EYS: variants seen among roughly 807,000 people sequenced by gnomAD.
The protein encoded by EYS is EGF-like photoreceptor maintenance factor.
In EYS, 250 loss-of-function variants were observed where a neutral mutation model predicts 282.1. The ratio of observed to expected loss-of-function variants is 0.89; its 90% CI spans 0.80 to 0.98. The LOEUF is 0.98. EYS is among the 50% of genes least tolerant of loss of function. EYS has a pLI of 0.00. For missense variants in EYS, 4,016 were observed against 3,709.0 expected (o/e 1.08, Z -2.15); for synonymous variants, 1,355 against 1,282.9 (o/e 1.06, Z -1.20).
At chr6:64,984,950 T>A (rs975256896) in intron 14 of EYS, among the ~76,000 whole-genome samples, 7 of 151,504 alleles carry the variant, frequency 4.6e-5, no homozygotes, top group Non-Finnish European at 1.0e-4. Context: ...TTTTTAACAT[T>A]CAGACAATCT....
chr6:64,469,745 C>T (rs1772076229), intron 26 of EYS, among the ~76,000 whole-genome samples: 1 of 152,042 alleles, frequency 6.6e-6, no homozygotes, highest in Admixed American at 6.5e-5. Context: ...GACTCTACTC[C>T]TACACCTCTT....
At chr6:64,124,104 G>A (rs1773682630) in intron 31 of EYS, among the ~76,000 whole-genome samples, 1 of 152,200 alleles carries the variant, frequency 6.6e-6, no homozygotes, top group African/African-American at 2.4e-5. Context: ...AGGGAAAAGT[G>A]TACTGCTGTA....
chr6:64,508,953 T>G (rs1777300170), intron 26 of EYS, among the ~76,000 whole-genome samples: 1 of 151,994 alleles, frequency 6.6e-6, no homozygotes, highest in Non-Finnish European at 1.5e-5. Flanking sequence ...TGGGTTATTC[T>G]TTAGGCAGGT....
At chr6:64,212,731 A>G (rs1305290313) in intron 31 of EYS, among the ~76,000 whole-genome samples, 1 of 152,192 alleles carries the variant, frequency 6.6e-6, no homozygotes, top group Non-Finnish European at 1.5e-5. Context: ...AGACAGAAAT[A>G]CCATTCAACC....
At chr6:65,672,088 T>A (rs1373969895) in intron 1 of EYS, among the ~76,000 whole-genome samples, 2 of 151,950 alleles carry the variant, frequency 1.3e-5, no homozygotes, top group Non-Finnish European at 2.9e-5. Context: ...AAAACAAACA[T>A]AAGAGCTCCA....
intron 30 of EYS, among the ~76,000 whole-genome samples, chr6:64,231,821 T>C (rs963171128): frequency 1.3e-5 from 2 of 152,186 alleles, no homozygotes; most frequent in Admixed American, 6.5e-5. Context: ...GAGTTTCATA[T>C]ACTGTCTGGG....
chr6:64,703,465 T>C lies in EYS; in HGVS notation c.3444-77220A>G, dbSNP rs180764591. ...TTTTTTTTGAGATGGAGCCTTGCTC[T>C]GTCACCCAGGCTGGAGTAGTGCAGT... On this transcript the variant is annotated intron_variant, in intron 22 of 42. Transcript: ENST00000503581. Among the ~76,000 whole-genome samples, 725 of 119,206 alleles carry C rather than the reference T, an allele frequency of 6.1e-3. 8 individuals are homozygous for C. Among genetic ancestry groups the C allele is most frequent in the African/African-American group, 0.021 (698 of 32,636 alleles). The allele number at this position is 119,206 out of a possible 152,430, so 78.2% of individuals were successfully genotyped here.
At chr6:65,257,498 GT>G (rs1767501306) in intron 12 of EYS, among the ~76,000 whole-genome samples, 1 of 145,298 alleles carries the variant, frequency 6.9e-6, no homozygotes, top group South Asian at 2.2e-4. Flanking sequence ...TGGCTAGCCA[GT>G]TTTCCCAGCA....
At chr6:64,403,578 C>T (rs1162140382) in intron 28 of EYS, among the ~76,000 whole-genome samples, 1 of 152,066 alleles carries the variant, frequency 6.6e-6, no homozygotes, top group Non-Finnish European at 1.5e-5. Flanking sequence ...AGGCTGGTCT[C>T]GGACTCCTGA....
intron 1 of EYS, among the ~76,000 whole-genome samples, chr6:65,654,625 T>C (rs1234059156): frequency 6.6e-6 from 1 of 151,700 alleles, no homozygotes; most frequent in East Asian, 1.9e-4. Flanking sequence ...TGTCAAAAGG[T>C]TACAGAGACA....
intron 31 of EYS, among the ~76,000 whole-genome samples, chr6:64,118,557 A>G (rs1295344719): frequency 1.3e-5 from 2 of 152,148 alleles, no homozygotes; most frequent in African/African-American, 4.8e-5. Context: ...TGAAATAATT[A>G]TATGTCAGAC....
intron 35 of EYS, among the ~76,000 whole-genome samples, chr6:63,908,032 ACGTTTG>A (rs1773824885): frequency 6.3e-5 from 3 of 47,454 alleles, no homozygotes; most frequent in African/African-American, 2.5e-4. Flanking sequence ...ATATATATAT[ACGTTTG>A]TGTGTGTGTG....
intron 22 of EYS, among the ~76,000 whole-genome samples, chr6:64,676,291 ATATC>A (rs1379533983): frequency 1.4e-5 from 2 of 146,584 alleles, no homozygotes; most frequent in East Asian, 4.1e-4. Flanking sequence ...AGTTTCCAAT[ATATC>A]TATATCTATA....
Position 65,405,165 on chromosome 6 carries a change from G to T in EYS, c.1056+9C>A. 1 of 1,600,530 alleles carries T rather than the reference G, an allele frequency of 6.2e-7. No homozygotes were observed. The highest frequency in any genetic ancestry group is 8.6e-7 in the Non-Finnish European group (1 of 1,168,216). On this transcript the variant is annotated intron_variant, in intron 6 of 42. Transcript: ENST00000503581. ...AAACCACTCACTTATATGTTAGATT[G>T]AGACTTACATTTGATATTTTGATGC... is the stretch of plus-strand genomic sequence containing the variant.
intron 13 of EYS, among the ~76,000 whole-genome samples, chr6:65,011,435 A>G (rs1489832529): frequency 6.6e-6 from 1 of 152,156 alleles, no homozygotes; most frequent in Admixed American, 6.6e-5. Flanking sequence ...ATGGAGCCCC[A>G]AATGCAGTCC....
chr6:63,798,315 C>T (rs893548296), intron 37 of EYS, among the ~76,000 whole-genome samples: 5 of 152,076 alleles, frequency 3.3e-5, no homozygotes, highest in Admixed American at 3.3e-4. Flanking sequence ...TTAAAAGACT[C>T]AAATAATTTA....
At chr6:63,885,325 T>C (rs1015798490) in intron 35 of EYS, among the ~76,000 whole-genome samples, 2 of 152,172 alleles carry the variant, frequency 1.3e-5, no homozygotes, top group African/African-American at 4.8e-5. Context: ...CCATAGCTGC[T>C]CCATGAAAAT....
chr6:64,849,272 A>G (rs1765810030), intron 19 of EYS, among the ~76,000 whole-genome samples: 1 of 151,700 alleles, frequency 6.6e-6, no homozygotes, highest in South Asian at 2.1e-4. Flanking sequence ...TAATTAATAT[A>G]ATTTTTAAAA....
intron 29 of EYS, among the ~76,000 whole-genome samples, chr6:64,346,970 T>A (rs1386623773): frequency 2.0e-5 from 3 of 151,388 alleles, no homozygotes; most frequent in Admixed American, 6.6e-5. Flanking sequence ...TAAAAATGCT[T>A]AAAATAATGA....
Sources: allele counts gnomAD v4.1 joint callset (sites outside exome capture counted in the v4.1 genomes callset), GRCh38; gene constraint gnomAD v4.1.1; transcripts MANE v1.5; gene names NCBI Gene and HGNC (gene_info 2026-07-23, HGNC 2026-07-21).